Variants in DSCAM observed in about 807,000 individuals in gnomAD.
DSCAM encodes the protein cell adhesion molecule DSCAM.
In DSCAM, 47 loss-of-function variants were observed where a neutral mutation model predicts 217.7. That is an observed-to-expected ratio of 0.22 (90% CI 0.17 to 0.28). The LOEUF (loss-of-function observed/expected upper bound fraction) is 0.28, where lower values mean the gene tolerates loss of function less well. DSCAM is among the 10% of genes least tolerant of loss of function. DSCAM has a pLI of 1.00. For synonymous variants in DSCAM, 1,056 were observed against 1,015.3 expected (o/e 1.04, Z -0.76); for missense variants, 2,080 against 2,618.3 (o/e 0.79, Z 4.49).
intron 3 of DSCAM, among the ~76,000 whole-genome samples, chr21:40,555,199 A>G (rs991119218): frequency 6.6e-6 from 1 of 152,216 alleles, no homozygotes; most frequent in African/African-American, 2.4e-5. Context: ...CATCCATTAC[A>G]TGAGAAAGCC....
At chr21:40,643,361 C>A (rs529985769) in intron 3 of DSCAM, among the ~76,000 whole-genome samples, 11 of 152,138 alleles carry the variant, frequency 7.2e-5, no homozygotes, top group Non-Finnish European at 1.0e-4. Flanking sequence ...AGAAATTTTG[C>A]AAACATCAGA....
chr21:40,190,427 T>TA (rs2090942245), intron 11 of DSCAM, among the ~76,000 whole-genome samples: 1 of 152,128 alleles, frequency 6.6e-6, no homozygotes, highest in Non-Finnish European at 1.5e-5. Context: ...GGCATGACAT[T>TA]AAATATGAGA....
chr21:40,156,647 G>A (rs1290261007), intron 16 of DSCAM, among the ~76,000 whole-genome samples: 9 of 152,192 alleles, frequency 5.9e-5, no homozygotes, highest in Non-Finnish European at 2.9e-5. Context: ...TGAGGGCTCA[G>A]AAGAAGACAG....
intron 3 of DSCAM, among the ~76,000 whole-genome samples, chr21:40,616,351 G>A (rs532860758): frequency 2.6e-4 from 40 of 152,244 alleles, no homozygotes; most frequent in African/African-American, 9.4e-4. Context: ...CCGGGGTCCT[G>A]ACACATGCTG....
chr21:40,498,164 C>T (rs143200451), intron 3 of DSCAM, among the ~76,000 whole-genome samples: 1 of 152,220 alleles, frequency 6.6e-6, no homozygotes, highest in East Asian at 1.9e-4. Flanking sequence ...GGCACAGTGC[C>T]TCCTTCACAA....
chr21:40,837,624 T>C (rs2092067508), intron 1 of DSCAM, among the ~76,000 whole-genome samples: 1 of 152,214 alleles, frequency 6.6e-6, no homozygotes, highest in Non-Finnish European at 1.5e-5. Context: ...GGCTGCCAAC[T>C]TAAACAACTT....
intron 6 of DSCAM, among the ~76,000 whole-genome samples, chr21:40,339,758 A>C (rs1293233447): frequency 2.6e-5 from 4 of 152,262 alleles, no homozygotes; most frequent in Non-Finnish European, 5.9e-5. Flanking sequence ...AAACAGACGG[A>C]AAATCCACAC....
At chr21:40,274,124 G>A (rs75076674) in intron 11 of DSCAM, among the ~76,000 whole-genome samples, 5,351 of 152,214 alleles carry the variant, frequency 0.035, 299 homozygotes, top group African/African-American at 0.12. Context: ...ATTATCCCCA[G>A]AGAGCAAAAG....
chr21:40,029,549 C>G (rs541850527), intron 32 of DSCAM, among the ~76,000 whole-genome samples: 54 of 152,146 alleles, frequency 3.5e-4, no homozygotes, highest in Admixed American at 2.5e-3. Flanking sequence ...TTGCATCACT[C>G]TCTCCTGAGG....
chr21:40,686,207 C>CCACA (rs758916251), intron 3 of DSCAM, among the ~76,000 whole-genome samples: 5 of 126,500 alleles, frequency 4.0e-5, no homozygotes, highest in African/African-American at 1.4e-4. Context: ...AGCACGTACT[C>CCACA]CACACACACA....
chr21:40,372,958 T>A (rs981536547), intron 3 of DSCAM, among the ~76,000 whole-genome samples: 1 of 152,106 alleles, frequency 6.6e-6, no homozygotes. Flanking sequence ...TATTTCTATG[T>A]AGGGACACAA....
intron 3 of DSCAM, among the ~76,000 whole-genome samples, chr21:40,626,024 A>G (rs2089596141): frequency 6.6e-6 from 1 of 152,220 alleles, no homozygotes; most frequent in African/African-American, 2.4e-5. Context: ...AATTTCTGAT[A>G]GATGAATGAG....
chr21:40,204,477 A>G (rs1037786906), intron 11 of DSCAM, among the ~76,000 whole-genome samples: 9 of 152,202 alleles, frequency 5.9e-5, no homozygotes. Context: ...ACAACTATAT[A>G]TTTCTTACTT....
chr21:40,471,329 C>T (rs2075886505), intron 3 of DSCAM, among the ~76,000 whole-genome samples: 1 of 152,162 alleles, frequency 6.6e-6, no homozygotes, highest in Non-Finnish European at 1.5e-5. Flanking sequence ...TAGGTAGAGG[C>T]CTTTGGGGCC....
At chr21:40,619,079 A>G (rs374010297) in intron 3 of DSCAM, among the ~76,000 whole-genome samples, 2 of 152,224 alleles carry the variant, frequency 1.3e-5, no homozygotes, top group African/African-American at 4.8e-5. Flanking sequence ...GCAATTTTAA[A>G]AAAAACAAAA....
chr21:40,179,067 T>G lies in DSCAM; in HGVS notation c.2807A>C (p.Lys936Thr), dbSNP rs751623656. The G allele has an allele frequency of 6.2e-7, 1 of 1,613,992 alleles. No individual in the cohort carries two copies. Among genetic ancestry groups the G allele is most frequent in the South Asian group, 1.1e-5 (1 of 91,066 alleles). ...SDSWDSAQRT[K>T]DVSPQLNSAT... is the part of the protein sequence containing the mutation. ...CGAGTTCAGCTGAGGGGAAACATCT[T>G]TGGTTCTCTGAGCAGAATCCCAGGA... is the stretch of plus-strand genomic sequence containing the variant. The change falls in exon 15 of 33, where the codon AAA (lysine) becomes ACA (threonine). Residue 936 changes from lysine (K) to threonine (T), a missense_variant. By Grantham distance (78) the Lys-to-Thr change is moderately conservative (BLOSUM62 -1). Coordinates refer to ENST00000400454, the MANE Select transcript of DSCAM (RefSeq NM_001389.5).
intron 11 of DSCAM, among the ~76,000 whole-genome samples, chr21:40,219,731 CATTT>C (rs1288612491): frequency 2.0e-5 from 3 of 152,132 alleles, no homozygotes; most frequent in African/African-American, 7.2e-5. Context: ...TCCATATTAT[CATTT>C]ATTTTGTTTC....
chr21:40,577,620 G>A (rs1407707187), intron 3 of DSCAM, among the ~76,000 whole-genome samples: 5 of 152,170 alleles, frequency 3.3e-5, no homozygotes, highest in Admixed American at 6.5e-5. Context: ...AGCCGGCGAC[G>A]AGAGACGGCT....
At chr21:40,655,679 C>A (rs73218245) in intron 3 of DSCAM, among the ~76,000 whole-genome samples, 1 of 151,846 alleles carries the variant, frequency 6.6e-6, no homozygotes, top group African/African-American at 2.4e-5. Flanking sequence ...TCATGAACTC[C>A]TGGATGCAAG....
Sources: gnomAD v4.1 joint callset for allele counts (sites outside exome capture counted in the v4.1 genomes callset) on GRCh38, gnomAD v4.1.1 for gene constraint, MANE v1.5 for transcripts, NCBI Gene and HGNC (gene_info 2026-07-23, HGNC 2026-07-21) for gene names.